Variants in UGT1A4 observed in about 807,000 individuals in gnomAD.
The protein encoded by UGT1A4 is UDP-glucuronosyltransferase 1A4.
In UGT1A4, 32 loss-of-function variants were observed where a neutral mutation model predicts 41.1. That is an observed-to-expected ratio of 0.78 (90% CI 0.59 to 1.05). The LOEUF (loss-of-function observed/expected upper bound fraction) is 1.05. Ranked by LOEUF, UGT1A4 falls within the 50% of genes least tolerant of loss-of-function variation. The pLI, the probability that UGT1A4 is intolerant of heterozygous loss-of-function variation, is 0.00. For missense variants in UGT1A4, 748 were observed against 677.4 expected (o/e 1.10, Z -1.16); for synonymous variants, 283 against 265.1 (o/e 1.07, Z -0.66).
At chr2:233,728,976 T>C in intron 1 of UGT1A4, 1 of 1,491,464 alleles carries the variant, frequency 6.7e-7, no homozygotes, top group Non-Finnish European at 9.0e-7. Context: ...GATAGATTAA[T>C]GGTTAATAAT....
chr2:233,767,201 T>C lies in UGT1A4; in HGVS notation c.999+36T>C, dbSNP rs756377002. 1.3e-4 allele frequency: 211 copies of C among 1,613,460 alleles called. 4 individuals are homozygous for C. In the South Asian group the frequency reaches 2.3e-3, roughly 17 times the overall value. ...TCTATACCATGGCCTCATATCTATT[T>C]TCACAGGAGCGCTAATCCCAGACTT... On this transcript the variant is annotated intron_variant, in intron 2 of 4. Transcript: ENST00000373409.
chr2:233,747,954 C>T (rs1693821442), intron 1 of UGT1A4: 2 of 1,613,446 alleles, frequency 1.2e-6, no homozygotes, highest in Non-Finnish European at 8.5e-7. Flanking sequence ...AGTGGTGGAT[C>T]TTCTCAGCCA....
chr2:233,744,541 T>G (rs1692842272), intron 1 of UGT1A4, among the ~76,000 whole-genome samples: 1 of 151,942 alleles, frequency 6.6e-6, no homozygotes, highest in African/African-American at 2.4e-5. Flanking sequence ...TATGTAAATT[T>G]TATTAAGACA....
Position 233,772,564 on chromosome 2 carries a change from TG to T in UGT1A4, c.*8del, listed in dbSNP as rs1250920366. 1 of 1,613,176 alleles carries T rather than the reference TG, an allele frequency of 6.2e-7. No individual in the cohort carries two copies. The highest frequency in any genetic ancestry group is 1.7e-5 in the Admixed American group (1 of 59,848). On this transcript the variant is annotated 3_prime_UTR_variant, in exon 5 of 5. Transcript: ENST00000373409. ...CACAAATCCAAGACCCATTGAGAAGTGGGTGGGAAATAAGGTAAAATTTTGA... is the reference window on the plus strand; with the variant it reads ...CACAAATCCAAGACCCATTGAGAAGTGGTGGGAAATAAGGTAAAATTTTGA...
intron 1 of UGT1A4, chr2:233,753,062 C>G (rs746941166): frequency 3.9e-5 from 6 of 152,186 alleles, no homozygotes; most frequent in African/African-American, 4.8e-5. Flanking sequence ...TGCCTTCCTC[C>G]CACCTCAAAA....
chr2:233,741,575 C>A lies in UGT1A4; in HGVS notation c.867+21888C>A, dbSNP rs559274983. ...TGGTTATTGTATGAGAATCAACTAC[C>A]CAGGCACCTCGGAGCATGTTGATTT... On this transcript the variant is annotated intron_variant, in intron 1 of 4. Coordinates refer to ENST00000373409, the MANE Select transcript of UGT1A4 (RefSeq NM_007120.3). 4 of 151,970 alleles carry A rather than the reference C, an allele frequency of 2.6e-5. No individual in the cohort carries two copies. In the East Asian group the frequency reaches 7.7e-4, roughly 29 times the overall value. 9.4% of individuals were successfully genotyped at this position (151,970 alleles called of 1,614,324 possible).
intron 1 of UGT1A4, chr2:233,743,255 C>T: frequency 2.3e-6 from 1 of 438,832 alleles, no homozygotes; most frequent in Middle Eastern, 3.5e-4. Flanking sequence ...CTCAACTCTC[C>T]ATCTTCCTCC....
chr2:233,741,084 C>G (rs1460124994), intron 1 of UGT1A4, among the ~76,000 whole-genome samples: 1 of 151,860 alleles, frequency 6.6e-6, no homozygotes, highest in Non-Finnish European at 1.5e-5. Context: ...GTCTTTAAAA[C>G]AAACAAGCAA....
intron 1 of UGT1A4, among the ~76,000 whole-genome samples, chr2:233,731,531 G>A (rs1424894745): frequency 2.0e-5 from 3 of 152,100 alleles, no homozygotes; most frequent in African/African-American, 4.8e-5. Context: ...GAGAACATGC[G>A]GTGTTTGGTT....
At chr2:233,760,286 C>T in intron 1 of UGT1A4, 1 of 1,613,058 alleles carries the variant, frequency 6.2e-7, no homozygotes, top group Non-Finnish European at 8.5e-7. Flanking sequence ...AGCAAAGGCG[C>T]CATGGCTGTG....
intron 1 of UGT1A4, among the ~76,000 whole-genome samples, chr2:233,766,212 G>A (rs1479826907): frequency 6.6e-6 from 1 of 152,186 alleles, no homozygotes; most frequent in Non-Finnish European, 1.5e-5. Context: ...GGGGAAGCCA[G>A]AAGGGGATGG....
chr2:233,761,181 G>T (rs539737168), intron 1 of UGT1A4: 1 of 1,614,126 alleles, frequency 6.2e-7, no homozygotes, highest in Non-Finnish European at 8.5e-7. Flanking sequence ...TTTTACATGC[G>T]TATATTCTTT....
intron 1 of UGT1A4, among the ~76,000 whole-genome samples, chr2:233,733,397 G>C (rs1438211185): frequency 1.3e-5 from 2 of 152,194 alleles, no homozygotes; most frequent in Non-Finnish European, 2.9e-5. Flanking sequence ...AGTTTTCAAA[G>C]GGAATGCTTC....
At chr2:233,746,880 G>A (rs561454270) in intron 1 of UGT1A4, among the ~76,000 whole-genome samples, 1 of 151,926 alleles carries the variant, frequency 6.6e-6, no homozygotes, top group South Asian at 2.1e-4. Flanking sequence ...GTGGTTAACA[G>A]AGAAGTAGGA....
At chr2:233,755,060 C>G (rs747080554) in intron 1 of UGT1A4, 1 of 1,334,970 alleles carries the variant, frequency 7.5e-7, no homozygotes, top group South Asian at 1.1e-5. Context: ...CCGCCCTCGC[C>G]TCGCCATAGC....
intron 1 of UGT1A4, among the ~76,000 whole-genome samples, chr2:233,719,947 A>G (rs1392958474): frequency 6.6e-6 from 1 of 152,220 alleles, no homozygotes; most frequent in Admixed American, 6.5e-5. Context: ...TAAAGGCACC[A>G]TCTTCATGGT....
At chr2:233,747,694 T>C in intron 1 of UGT1A4, 1 of 1,611,670 alleles carries the variant, frequency 6.2e-7, no homozygotes, top group Non-Finnish European at 8.5e-7. Context: ...GGGGCAGTGC[T>C]GGCTAAGTAC....
intron 1 of UGT1A4, among the ~76,000 whole-genome samples, chr2:233,727,013 TTG>T (rs1300026123): frequency 1.2e-4 from 18 of 152,218 alleles, no homozygotes; most frequent in African/African-American, 3.9e-4. Context: ...TTATCATTTG[TTG>T]TTTTTGTACC....
At chr2:233,743,140 A>C (rs1692212499) in intron 1 of UGT1A4, 1 of 356,854 alleles carries the variant, frequency 2.8e-6, no homozygotes, top group African/African-American at 2.2e-5. Flanking sequence ...ATCCTAAAAA[A>C]AGTCCGCTAT....
Sources: allele counts gnomAD v4.1 joint callset (sites outside exome capture counted in the v4.1 genomes callset), GRCh38; gene constraint gnomAD v4.1.1; transcripts MANE v1.5; gene names NCBI Gene and HGNC (gene_info 2026-07-23, HGNC 2026-07-21).